The following LRMDA variants were observed in gnomAD, a reference collection of about 807,000 sequenced individuals.
The protein encoded by LRMDA is leucine rich melanocyte differentiation associated.
In LRMDA, 18 loss-of-function variants were observed where a neutral mutation model predicts 29.8. The observed-to-expected ratio is 0.60, with a 90% confidence interval of 0.42 to 0.90. LRMDA has a LOEUF of 0.90. LRMDA is among the 40% of genes least tolerant of loss of function. LRMDA has a pLI of 0.00. For missense variants in LRMDA, 273 were observed against 273.9 expected (o/e 1.00, Z 0.02); for synonymous variants, 125 against 109.4 (o/e 1.14, Z -0.89).
At chr10:76,312,262 T>A (rs980042012) in intron 5 of LRMDA, among the ~76,000 whole-genome samples, 1 of 152,210 alleles carries the variant, frequency 6.6e-6, no homozygotes, top group African/African-American at 2.4e-5. Flanking sequence ...ATGGATAAAC[T>A]GTCAGTTTTG....
chr10:75,904,399 G>C (rs1051723485), intron 2 of LRMDA, among the ~76,000 whole-genome samples: 1 of 152,146 alleles, frequency 6.6e-6, no homozygotes, highest in East Asian at 1.9e-4. Flanking sequence ...ACTGGTGGCC[G>C]TCTATGGTTT....
rs116241546 is a variant in LRMDA at position 75,758,336 on chromosome 10, T to C, written c.132-277672T>C. Among the ~76,000 whole-genome samples the C allele has an allele frequency of 9.9e-3, 1,508 of 152,338 alleles. 32 individuals carry two copies. The highest frequency in any genetic ancestry group is 0.035 in the African/African-American group (1,436 of 41,570). The stretch of plus-strand genomic sequence containing the variant: ...AACTAAGTTCTCACGTCCAGTCTCC[T>C]GCCCACTGTGAGGAATGTCGCCCAT... On this transcript the variant is annotated intron_variant, in intron 2 of 6. Coordinates refer to ENST00000611255, the MANE Select transcript of LRMDA (RefSeq NM_001305581.2).
At chr10:76,083,715 T>C (rs1044252627) in intron 5 of LRMDA, among the ~76,000 whole-genome samples, 1 of 151,986 alleles carries the variant, frequency 6.6e-6, no homozygotes, top group African/African-American at 2.4e-5. Flanking sequence ...GAGCCTGTAA[T>C]TCCAGCTACT....
At chr10:75,604,984 A>T (rs2132094087) in intron 2 of LRMDA, among the ~76,000 whole-genome samples, 1 of 152,288 alleles carries the variant, frequency 6.6e-6, no homozygotes, top group East Asian at 1.9e-4. Context: ...GTTTTCCCAA[A>T]CAAAATGTTT....
chr10:76,084,368 T>TTG (rs1564648473), intron 5 of LRMDA, among the ~76,000 whole-genome samples: 9 of 46,204 alleles, frequency 1.9e-4, no homozygotes, highest in Admixed American at 7.3e-4. Flanking sequence ...CAGCTAATTT[T>TTG]TTTTTTTTTT....
At chr10:76,149,398 T>C (rs757457237) in intron 5 of LRMDA, among the ~76,000 whole-genome samples, 2 of 152,234 alleles carry the variant, frequency 1.3e-5, no homozygotes, top group Non-Finnish European at 2.9e-5. Flanking sequence ...GTGACTCACA[T>C]GAAAACCTCA....
chr10:75,440,701 T>TGG (rs1844316364), intron 2 of LRMDA, among the ~76,000 whole-genome samples: 1 of 152,146 alleles, frequency 6.6e-6, no homozygotes, highest in African/African-American at 2.4e-5. Context: ...TGAATCAACA[T>TGG]CTAAGATGTT....
At chr10:75,711,291 T>G (rs556091354) in intron 2 of LRMDA, among the ~76,000 whole-genome samples, 2 of 152,260 alleles carry the variant, frequency 1.3e-5, no homozygotes, top group Admixed American at 1.3e-4. Context: ...TGGTGTGGTT[T>G]GGGGGCAAGT....
intron 6 of LRMDA, among the ~76,000 whole-genome samples, chr10:76,347,939 C>T (rs1389881656): frequency 4.6e-5 from 7 of 152,036 alleles, no homozygotes; most frequent in Non-Finnish European, 1.0e-4. Context: ...AAAATTAAAA[C>T]AGGCATTCTA....
chr10:76,343,988 T>G (rs968869638), intron 6 of LRMDA, among the ~76,000 whole-genome samples: 7 of 151,972 alleles, frequency 4.6e-5, no homozygotes, highest in Admixed American at 2.0e-4. Flanking sequence ...TGGCTAATTT[T>G]TTTTGGTATT....
rs763275650 is a variant in LRMDA at position 76,002,177 on chromosome 10, C to T, written c.132-33831C>T. Among the ~76,000 whole-genome samples, 4 of 152,170 alleles carry T rather than the reference C, an allele frequency of 2.6e-5. No homozygotes were observed. The East Asian group carries it at 7.7e-4, about 29-fold the overall frequency. ...TCCTCACACCCTCACATGGTAGAGA[C>T]AGCACACCCTGTTCACTCTTCTTCT... On this transcript the variant is annotated intron_variant, in intron 2 of 6. Transcript: ENST00000611255.
chr10:75,685,583 T>C (rs1432637212), intron 2 of LRMDA, among the ~76,000 whole-genome samples: 1 of 152,148 alleles, frequency 6.6e-6, no homozygotes, highest in Non-Finnish European at 1.5e-5. Context: ...CTTGTCGACT[T>C]CCAGACACTG....
intron 6 of LRMDA, among the ~76,000 whole-genome samples, chr10:76,386,123 A>G (rs2132477713): frequency 6.6e-6 from 1 of 152,326 alleles, no homozygotes; most frequent in South Asian, 2.1e-4. Flanking sequence ...AACTTGACAT[A>G]TCTGGCTATT....
chr10:75,881,843 G>A (rs564923947), intron 2 of LRMDA, among the ~76,000 whole-genome samples: 4 of 152,154 alleles, frequency 2.6e-5, no homozygotes, highest in South Asian at 2.1e-4. Flanking sequence ...ACCTTGCTGC[G>A]CATTTTGTCC....
At chr10:75,713,806 GT>G (rs1842465996) in intron 2 of LRMDA, among the ~76,000 whole-genome samples, 1 of 151,984 alleles carries the variant, frequency 6.6e-6, no homozygotes, top group South Asian at 2.1e-4. Context: ...AATAAGGTTT[GT>G]CCCTTTCCTT....
intron 5 of LRMDA, among the ~76,000 whole-genome samples, chr10:76,172,190 A>G (rs1850851659): frequency 1.3e-5 from 2 of 152,100 alleles, no homozygotes; most frequent in Admixed American, 1.3e-4. Flanking sequence ...CATGACTCAA[A>G]CACCTGCTAC....
chr10:76,119,700 A>G (rs1849743679), intron 5 of LRMDA, among the ~76,000 whole-genome samples: 1 of 152,194 alleles, frequency 6.6e-6, no homozygotes, highest in South Asian at 2.1e-4. Context: ...ATGTTTTCCC[A>G]AGGGACTTCC....
At chr10:75,811,166 G>C (rs538287354) in intron 2 of LRMDA, among the ~76,000 whole-genome samples, 74 of 152,234 alleles carry the variant, frequency 4.9e-4, no homozygotes, top group Non-Finnish European at 9.1e-4. Context: ...CTTAATAGGA[G>C]ATTCTTGAAA....
At chr10:75,637,227 T>C (rs960011178) in intron 2 of LRMDA, among the ~76,000 whole-genome samples, 2 of 152,246 alleles carry the variant, frequency 1.3e-5, no homozygotes, top group African/African-American at 4.8e-5. Context: ...TGTGTGTGAC[T>C]GTGAACTGTT....
Sources: gnomAD v4.1 joint callset for allele counts (sites outside exome capture counted in the v4.1 genomes callset) on GRCh38, gnomAD v4.1.1 for gene constraint, MANE v1.5 for transcripts, NCBI Gene and HGNC (gene_info 2026-07-23, HGNC 2026-07-21) for gene names.